The following CSMD1 variants were observed in gnomAD, a reference collection of about 807,000 sequenced individuals.
CSMD1 encodes CUB and Sushi multiple domains 1.
In CSMD1, 213 loss-of-function variants were observed where a neutral mutation model predicts 417.5. The observed-to-expected ratio is 0.51, with a 90% CI of 0.46 to 0.57. CSMD1 has a LOEUF of 0.57. Ranked by LOEUF, CSMD1 falls within the 20% of genes least tolerant of loss-of-function variation. The probability of loss-of-function intolerance (pLI) is 0.00; values close to 1 mark genes in which losing one functional copy is unlikely to be tolerated. For missense variants in CSMD1, 6,923 were observed against 4,529.7 expected, an observed-to-expected ratio of 1.53 and a Z score of -15.17; for synonymous variants, 2,862 against 1,736.8, an observed-to-expected ratio of 1.65 and a Z score of -16.11.
intron 3 of CSMD1, among the ~76,000 whole-genome samples, chr8:4,318,600 A>AC (rs1031560002): frequency 6.6e-6 from 1 of 152,032 alleles, no homozygotes; most frequent in Non-Finnish European, 1.5e-5. Context: ...TGAAATGTTT[A>AC]CCCTTATTGA....
chr8:3,196,714 T>A (rs1796725024), intron 33 of CSMD1, among the ~76,000 whole-genome samples: 1 of 152,186 alleles, frequency 6.6e-6, no homozygotes, highest in Non-Finnish European at 1.5e-5. Context: ...CTGCAAACAG[T>A]GCTCCATAAT....
chr8:3,732,695 G>T (rs971003060), intron 6 of CSMD1, among the ~76,000 whole-genome samples: 1 of 151,984 alleles, frequency 6.6e-6, no homozygotes, highest in Non-Finnish European at 1.5e-5. Flanking sequence ...CAGAAAAAAA[G>T]AAAAGTAAAA....
At chr8:3,657,504 A>G (rs1307408465) in intron 7 of CSMD1, among the ~76,000 whole-genome samples, 1 of 152,212 alleles carries the variant, frequency 6.6e-6, no homozygotes, top group African/African-American at 2.4e-5. Flanking sequence ...ACGATGGAAT[A>G]CTATGCAGCC....
chr8:4,434,825 C>T (rs1038889204), intron 2 of CSMD1, among the ~76,000 whole-genome samples: 1 of 152,176 alleles, frequency 6.6e-6, no homozygotes, highest in Admixed American at 6.5e-5. Flanking sequence ...CACCAGGGCT[C>T]AACCATCCAT....
chr8:3,651,233 G>A (rs958535274), intron 7 of CSMD1, among the ~76,000 whole-genome samples: 1 of 152,102 alleles, frequency 6.6e-6, no homozygotes, highest in Non-Finnish European at 1.5e-5. Flanking sequence ...ACCTAAGACA[G>A]ATCGTATCAC....
intron 3 of CSMD1, among the ~76,000 whole-genome samples, chr8:4,080,082 G>C (rs551312997): frequency 6.6e-6 from 1 of 150,990 alleles, no homozygotes; most frequent in South Asian, 2.1e-4. Flanking sequence ...AACAGTCTCT[G>C]TCTCCATGTT....
At chr8:4,428,400 G>T (rs575809886) in intron 2 of CSMD1, among the ~76,000 whole-genome samples, 1 of 152,248 alleles carries the variant, frequency 6.6e-6, no homozygotes, top group East Asian at 1.9e-4. Context: ...GTAAGCTGTA[G>T]TTCAATAGGA....
chr8:4,848,909 T>G (rs951397649), intron 1 of CSMD1, among the ~76,000 whole-genome samples: 1 of 152,250 alleles, frequency 6.6e-6, no homozygotes. Context: ...TATATTGTAC[T>G]TTTTATTGTT....
rs1812562314 is a variant in CSMD1, at chr8:3,409,675, G to C, written c.1562-70C>G. 2.4e-6 allele frequency: 3 copies of C among 1,247,444 alleles called. No homozygotes were observed. The East Asian group carries it at 8.0e-5, about 33-fold the overall frequency. The allele number at this position is 1,247,444 out of a possible 1,614,324, so 77.3% of individuals were successfully genotyped here. On this transcript the variant is annotated intron_variant, in intron 12 of 69. Transcript: ENST00000635120. ...GGAATATTTTTATCTCTACAACTTAGAAAGTAAATACGTGGCTTCTTTTTG... is the reference window on the plus strand; with the variant it reads ...GGAATATTTTTATCTCTACAACTTACAAAGTAAATACGTGGCTTCTTTTTG...
intron 50 of CSMD1, 55 bp from the exon 51 acceptor site, chr8:3,029,568 C>A: frequency 1.4e-6 from 2 of 1,476,100 alleles, no homozygotes; most frequent in Admixed American, 2.1e-5. Context: ...AAACATCAGA[C>A]CGTGCTTGCT....
At chr8:4,704,311 T>G (rs1412372257) in intron 1 of CSMD1, among the ~76,000 whole-genome samples, 1 of 152,248 alleles carries the variant, frequency 6.6e-6, no homozygotes, top group Non-Finnish European at 1.5e-5. Context: ...TATTCAGCAT[T>G]GAGTGTCTTA....
At chr8:4,486,807 G>T (rs183884281) in intron 2 of CSMD1, among the ~76,000 whole-genome samples, 2 of 152,148 alleles carry the variant, frequency 1.3e-5, no homozygotes, top group Non-Finnish European at 2.9e-5. Flanking sequence ...CTGCTCTGCT[G>T]CAAAGGTGCC....
At chr8:3,253,367 G>A (rs1013658867) in intron 26 of CSMD1, among the ~76,000 whole-genome samples, 20 of 151,902 alleles carry the variant, frequency 1.3e-4, no homozygotes, top group Non-Finnish European at 2.2e-4. Flanking sequence ...TCTGAGTTCT[G>A]GTTTGATTGC....
intron 30 of CSMD1, among the ~76,000 whole-genome samples, chr8:3,214,027 G>C (rs1797755588): frequency 6.6e-6 from 1 of 151,924 alleles, no homozygotes; most frequent in Admixed American, 6.6e-5. Context: ...TGTATTTTTA[G>C]CGGAGACAGG....
chr8:3,818,797 T>G (rs1203466925), intron 5 of CSMD1, among the ~76,000 whole-genome samples: 2 of 152,064 alleles, frequency 1.3e-5, no homozygotes, highest in Non-Finnish European at 2.9e-5. Flanking sequence ...CCGACCTACG[T>G]CCCTCTTTCC....
intron 51 of CSMD1, among the ~76,000 whole-genome samples, chr8:3,020,687 A>G (rs1053902531): frequency 6.6e-6 from 1 of 152,072 alleles, no homozygotes; most frequent in African/African-American, 2.4e-5. Flanking sequence ...TTATGATAGG[A>G]CAACCGAGGC....
intron 3 of CSMD1, among the ~76,000 whole-genome samples, chr8:4,356,701 T>C (rs1801452056): frequency 6.6e-6 from 1 of 152,162 alleles, no homozygotes; most frequent in Non-Finnish European, 1.5e-5. Flanking sequence ...TTTGTCCTTC[T>C]CACCGTGCTC....
At chr8:3,604,560 C>G (rs1164273680) in intron 8 of CSMD1, among the ~76,000 whole-genome samples, 2 of 152,052 alleles carry the variant, frequency 1.3e-5, no homozygotes, top group Non-Finnish European at 2.9e-5. Context: ...TGCATCTGCT[C>G]TAACTTTATA....
intron 5 of CSMD1, among the ~76,000 whole-genome samples, chr8:3,860,416 T>C (rs1804618947): frequency 6.6e-6 from 1 of 152,162 alleles, no homozygotes; most frequent in South Asian, 2.1e-4. Context: ...AATGTTTCTA[T>C]GTTACTAAAA....
Sources: gnomAD v4.1 joint callset for allele counts (sites outside exome capture counted in the v4.1 genomes callset) on GRCh38, gnomAD v4.1.1 for gene constraint, MANE v1.5 for transcripts, NCBI Gene and HGNC (gene_info 2026-07-23, HGNC 2026-07-21) for gene names.